RUNDC3B: variants seen among roughly 807,000 people sequenced by gnomAD.
The protein encoded by RUNDC3B is RUN domain containing 3B.
In RUNDC3B, 33 loss-of-function variants were observed where a neutral mutation model predicts 58.4. The observed-to-expected ratio is 0.56, with a 90% CI of 0.43 to 0.75. The LOEUF (loss-of-function observed/expected upper bound fraction) is 0.75, where lower values mean the gene tolerates loss of function less well. Among genes scored for constraint, RUNDC3B ranks in the 30% least tolerant of loss-of-function variants. The probability of loss-of-function intolerance (pLI) is 0.00; values close to 1 mark genes in which losing one functional copy is unlikely to be tolerated. For synonymous variants in RUNDC3B, 193 were observed against 195.2 expected (o/e 0.99, Z 0.10); for missense variants, 501 against 535.7 (o/e 0.94, Z 0.64).
rs1319738550 is a variant in RUNDC3B at position 87,816,243 on chromosome 7, A to T, written c.1206A>T (p.Thr402=). 6.2e-7 allele frequency: 1 copy of T among 1,611,238 alleles called. No individual in the cohort carries two copies. The highest frequency in any genetic ancestry group is 1.3e-5 in the African/African-American group (1 of 74,848). ...AAGAAGGAGATGGAAAACAAGACAC[A>T]TTAAATGTAATGAGTGAAGGTAAGA... is the stretch of plus-strand genomic sequence containing the variant. ...QSQEGDGKQD[T]LNVMSEGKED... Residue 402 remains threonine (T), a synonymous_variant, in exon 10 of 11, where the codon ACA becomes ACT. Transcript: ENST00000394654.
rs1430415147 is a variant in RUNDC3B at position 87,628,580 on chromosome 7, C to CGTGTGTGTGTGT, written c.-241_-240insTGTGTGTGTGTG. Reference sequence around the variant, plus strand: ...GCGCCGAGGGCGGAGGTGGTGCGTGCGTGCGTGTGTGTGTGTGTGTGTGTG... The same window carrying CGTGTGTGTGTGT: ...GCGCCGAGGGCGGAGGTGGTGCGTGCGTGTGTGTGTGTGTGCGTGTGTGTGTGTGTGTGTGTG... On this transcript the variant is annotated 5_prime_UTR_variant, in exon 1 of 11. Transcript: ENST00000394654. 6 of 292,756 alleles carry CGTGTGTGTGTGT rather than the reference C, an allele frequency of 2.0e-5. No individual in the cohort carries two copies. The highest frequency in any genetic ancestry group is 1.9e-4 in the African/African-American group (6 of 31,542). 18.1% of individuals were successfully genotyped at this position (292,756 alleles called of 1,614,324 possible).
chr7:87,728,597 C>A (rs1831386707), intron 4 of RUNDC3B, among the ~76,000 whole-genome samples: 1 of 152,110 alleles, frequency 6.6e-6, no homozygotes, highest in Non-Finnish European at 1.5e-5. Context: ...TTTGTCACAT[C>A]TTCTTCTCTG....
chr7:87,698,134 C>T (rs1828663371), intron 2 of RUNDC3B, among the ~76,000 whole-genome samples: 2 of 152,190 alleles, frequency 1.3e-5, no homozygotes, highest in South Asian at 4.1e-4. Flanking sequence ...AAGTCTCACT[C>T]TGTCACCCAG....
intron 2 of RUNDC3B, 133 bp downstream of exon 2, chr7:87,651,070 T>C (rs1293393653): frequency 5.0e-6 from 3 of 595,662 alleles, no homozygotes; most frequent in Non-Finnish European, 8.8e-6. Context: ...TCTTTTGGCC[T>C]GTGTGACTAC....
chr7:87,650,766 A>C (rs1043012087), intron 1 of RUNDC3B, 56 bp from the exon 2 acceptor site: 5 of 1,061,308 alleles, frequency 4.7e-6, no homozygotes, highest in Non-Finnish European at 7.3e-6. Flanking sequence ...CATTTTTTTC[A>C]TACTTAGGGA....
intron 4 of RUNDC3B, among the ~76,000 whole-genome samples, chr7:87,713,969 T>C (rs1415744959): frequency 6.6e-6 from 1 of 152,214 alleles, no homozygotes; most frequent in East Asian, 1.9e-4. Context: ...ATGTTAATTT[T>C]CACAATGTTT....
chr7:87,705,831 G>T (rs188668894), intron 3 of RUNDC3B, among the ~76,000 whole-genome samples: 19 of 152,094 alleles, frequency 1.2e-4, no homozygotes, highest in African/African-American at 4.1e-4. Context: ...TGAATCTTTA[G>T]TTACCACTGT....
chr7:87,793,662 GTT>G (rs1013373143), intron 8 of RUNDC3B, among the ~76,000 whole-genome samples: 2 of 151,802 alleles, frequency 1.3e-5, no homozygotes, highest in Non-Finnish European at 2.9e-5. Flanking sequence ...AAAAAACTGA[GTT>G]TTTTTTGAGA....
intron 3 of RUNDC3B, 70 bp from the exon 4 acceptor site, chr7:87,710,499 AT>A (rs2130740373): frequency 2.4e-6 from 2 of 836,022 alleles, no homozygotes; most frequent in Non-Finnish European, 3.8e-6. Flanking sequence ...ATATTAAAAT[AT>A]TTTTGATGGC....
chr7:87,655,801 C>G (rs11973812), intron 2 of RUNDC3B, among the ~76,000 whole-genome samples: 7,319 of 152,184 alleles, frequency 0.048, 259 homozygotes, highest in East Asian at 0.09. Flanking sequence ...CCCTGTCCAA[C>G]AGTGCTGGGA....
chr7:87,738,786 G>A (rs1832142758), intron 4 of RUNDC3B, among the ~76,000 whole-genome samples: 1 of 151,804 alleles, frequency 6.6e-6, no homozygotes, highest in Non-Finnish European at 1.5e-5. Context: ...CAAGTAATAT[G>A]TTTGTAAAAA....
chr7:87,638,748 A>T (rs1822101957), intron 1 of RUNDC3B, among the ~76,000 whole-genome samples: 1 of 151,444 alleles, frequency 6.6e-6, no homozygotes, highest in African/African-American at 2.4e-5. Context: ...CTAGGCATTT[A>T]TTAATTTTAC....
At chr7:87,780,766 A>G (rs958653165) in intron 8 of RUNDC3B, among the ~76,000 whole-genome samples, 9 of 152,142 alleles carry the variant, frequency 5.9e-5, no homozygotes, top group East Asian at 3.9e-4. Context: ...ATTTTTGTCA[A>G]CTTTGTCAAA....
At chr7:87,789,347 C>A (rs748402208) in intron 8 of RUNDC3B, among the ~76,000 whole-genome samples, 51 of 152,106 alleles carry the variant, frequency 3.4e-4, no homozygotes, top group Non-Finnish European at 6.0e-4. Flanking sequence ...AAGAATAATT[C>A]ATTGTTAAAA....
chr7:87,712,129 C>G (rs1197517323), intron 4 of RUNDC3B, among the ~76,000 whole-genome samples: 1 of 151,904 alleles, frequency 6.6e-6, no homozygotes, highest in Non-Finnish European at 1.5e-5. Flanking sequence ...TTTTGAGATA[C>G]AAAGAAAATA....
intron 4 of RUNDC3B, among the ~76,000 whole-genome samples, chr7:87,724,877 AT>A (rs1249834415): frequency 6.6e-6 from 1 of 152,016 alleles, no homozygotes; most frequent in Admixed American, 6.6e-5. Context: ...ATTGAGTAAT[AT>A]TTTTGTGATA....
At chr7:87,655,857 C>T (rs1401882900) in intron 2 of RUNDC3B, among the ~76,000 whole-genome samples, 1 of 152,024 alleles carries the variant, frequency 6.6e-6, no homozygotes, top group African/African-American at 2.4e-5. Context: ...GGGCAGAGCC[C>T]TCATGAGTGG....
chr7:87,643,248 T>C (rs1383488831), intron 1 of RUNDC3B, among the ~76,000 whole-genome samples: 1 of 152,086 alleles, frequency 6.6e-6, no homozygotes, highest in Admixed American at 6.5e-5. Context: ...TTACATTGCG[T>C]AAAATTTTTT....
chr7:87,635,556 A>T (rs1439973186), intron 1 of RUNDC3B, among the ~76,000 whole-genome samples: 1 of 152,198 alleles, frequency 6.6e-6, no homozygotes, highest in Non-Finnish European at 1.5e-5. Context: ...GATATGTAGG[A>T]CATTGTGATA....
Sources: allele counts gnomAD v4.1 joint callset (sites outside exome capture counted in the v4.1 genomes callset), GRCh38; gene constraint gnomAD v4.1.1; transcripts MANE v1.5; gene names NCBI Gene and HGNC (gene_info 2026-07-23, HGNC 2026-07-21).